The following ZNF569 variants were observed in gnomAD, a reference collection of about 807,000 sequenced individuals.
ZNF569 encodes zinc finger protein 569, also known as DNA-binding protein.
A neutral mutation model predicts 56.3 loss-of-function variants in ZNF569; 38 were observed. The observed-to-expected ratio is 0.68, with a 90% CI of 0.52 to 0.88. The LOEUF (loss-of-function observed/expected upper bound fraction) is 0.88. Ranked by LOEUF, ZNF569 falls within the 40% of genes least tolerant of loss-of-function variation. The probability of loss-of-function intolerance (pLI) is 0.00; values close to 1 mark genes in which losing one functional copy is unlikely to be tolerated. For synonymous variants in ZNF569, 241 were observed against 262.9 expected, an observed-to-expected ratio of 0.92 and a Z score of 0.81; for missense variants, 666 against 809.2, an observed-to-expected ratio of 0.82 and a Z score of 2.15.
At chr19:37,421,389 TTTAG>T (rs1568719892) in intron 5 of ZNF569, among the ~76,000 whole-genome samples, 3 of 152,206 alleles carry the variant, frequency 2.0e-5, no homozygotes, top group Non-Finnish European at 2.9e-5. Context: ...AACGCTATTG[TTTAG>T]TTAGCCACCC....
intron 5 of ZNF569, among the ~76,000 whole-genome samples, chr19:37,415,573 G>T (rs1450769464): frequency 6.6e-6 from 1 of 151,964 alleles, no homozygotes; most frequent in Non-Finnish European, 1.5e-5. Flanking sequence ...ATAAATCAGA[G>T]GTATGAAAAT....
chr19:37,444,989 A>C, intron 2 of ZNF569, 25 bp from the exon 3 acceptor site: 9 of 1,574,980 alleles, frequency 5.7e-6, no homozygotes, highest in Non-Finnish European at 7.7e-6. Context: ...AAAAGTCATT[A>C]AAATAGGCCT....
At chr19:37,467,587 C>CT, upstream of ZNF569, 1 of 470,260 alleles carries the variant, frequency 2.1e-6, no homozygotes, top group South Asian at 3.3e-5. Flanking sequence ...TTAGTTCCGT[C>CT]TTTTTGGGTC....
chr19:37,448,431 C>T (rs1308752075), intron 2 of ZNF569, among the ~76,000 whole-genome samples: 1 of 151,786 alleles, frequency 6.6e-6, no homozygotes, highest in Non-Finnish European at 1.5e-5. Flanking sequence ...TCTTTCATTC[C>T]TGATATTATC....
intron 2 of ZNF569, among the ~76,000 whole-genome samples, chr19:37,456,890 C>G (rs940994801): frequency 8.6e-5 from 13 of 151,834 alleles, no homozygotes; most frequent in African/African-American, 3.1e-4. Context: ...ATCGCTTGAA[C>G]CCAGGAGGCG....
chr19:37,418,999 CTG>C (rs2040983862), intron 5 of ZNF569, among the ~76,000 whole-genome samples: 1 of 152,182 alleles, frequency 6.6e-6, no homozygotes, highest in Non-Finnish European at 1.5e-5. Flanking sequence ...GCCATTATGA[CTG>C]TTGTGAGATG....
intron 2 of ZNF569, among the ~76,000 whole-genome samples, chr19:37,447,482 T>C (rs748848268): frequency 4.6e-5 from 7 of 152,192 alleles, no homozygotes; most frequent in Non-Finnish European, 7.4e-5. Context: ...TTAACTGTAC[T>C]ACAGAAGAGG....
At position 37,413,809 on chromosome 19, in the gene ZNF569, T is replaced by A. The variant is rs1370505095; in HGVS notation, c.849A>T (p.Ser283=). Residue 283 remains serine, a synonymous_variant, in exon 6 of 6, where the codon TCA becomes TCT. Coordinates refer to ENST00000316950, the MANE Select transcript of ZNF569 (RefSeq NM_152484.3). ...KECEKSFSQK[S]NLIDHEKIHT... is the part of the protein sequence containing the mutation. ...GAATTTTTTCATGATCAATAAGATTTGATTTCTGGCTGAAGGACTTCTCAC... is the reference window on the plus strand; with the variant it reads ...GAATTTTTTCATGATCAATAAGATTAGATTTCTGGCTGAAGGACTTCTCAC... The A allele has an allele frequency of 4.3e-6, 7 of 1,613,722 alleles. No individual in the cohort carries two copies. Among genetic ancestry groups the A allele is most frequent in the Non-Finnish European group, 5.1e-6 (6 of 1,179,958 alleles).
intron 3 of ZNF569, among the ~76,000 whole-genome samples, chr19:37,443,067 T>C (rs1031299357): frequency 1.3e-5 from 2 of 152,154 alleles, no homozygotes; most frequent in Non-Finnish European, 2.9e-5. Flanking sequence ...TAAAAATACA[T>C]GGTCGGCCGG....
At chr19:37,460,753 G>T (rs947452335) in intron 2 of ZNF569, among the ~76,000 whole-genome samples, 1 of 149,806 alleles carries the variant, frequency 6.7e-6, no homozygotes, top group Non-Finnish European at 1.5e-5. Flanking sequence ...GCAATACAGT[G>T]ATACCCTGTC....
At chr19:37,415,246 G>A (rs940354627) in intron 5 of ZNF569, among the ~76,000 whole-genome samples, 3 of 151,796 alleles carry the variant, frequency 2.0e-5, no homozygotes, top group African/African-American at 4.8e-5. Context: ...GATACGTTTC[G>A]ATAATAGAAA....
chr19:37,444,425 T>C (rs553787784), intron 3 of ZNF569, among the ~76,000 whole-genome samples: 27 of 152,344 alleles, frequency 1.8e-4, no homozygotes, highest in African/African-American at 6.3e-4. Flanking sequence ...TGTGAAATAC[T>C]ATAATTTATT....
In ZNF569 at chr19:37,413,464, A is replaced by C. The variant is rs779710701; in HGVS notation, c.1194T>G (p.Thr398=). The change falls in exon 6 of 6, where the codon ACT becomes ACG. Residue 398 remains threonine (T), a synonymous_variant. Coordinates refer to ENST00000316950, the MANE Select transcript of ZNF569 (RefSeq NM_152484.3). ...GKAFSQSSAL[T]VHMRSHTGEK... is the part of the protein sequence containing the mutation. ...CACCAGTGTGACTTCTCATATGTAC[A>C]GTAAGGGCTGAGCTTTGAGAGAAGG... 4 of 1,613,836 alleles carry C rather than the reference A, an allele frequency of 2.5e-6. No homozygotes were observed. Among genetic ancestry groups the C allele is most frequent in the Non-Finnish European group, 3.4e-6 (4 of 1,179,912 alleles).
chr19:37,455,954 T>G (rs575651982), intron 2 of ZNF569, among the ~76,000 whole-genome samples: 1 of 152,230 alleles, frequency 6.6e-6, no homozygotes. Context: ...ATTTAATTTC[T>G]CAAAAGCTTC....
chr19:37,444,881 A>T, intron 3 of ZNF569, 26 bp downstream of exon 3: 1 of 1,591,104 alleles, frequency 6.3e-7, no homozygotes. Context: ...GTAAGGCAAG[A>T]AACAAATACA....
intron 2 of ZNF569, among the ~76,000 whole-genome samples, chr19:37,457,324 A>G (rs2041688809): frequency 1.3e-5 from 2 of 152,286 alleles, no homozygotes; most frequent in South Asian, 4.1e-4. Flanking sequence ...TACTTATAAA[A>G]TGCATCTTAA....
In ZNF569 at chr19:37,413,827, C is replaced by T; in HGVS notation, c.831G>A (p.Lys277=). ...TAAGATTTGATTTCTGGCTGAAGGA[C>T]TTCTCACATTCCTTACATGCATAGG... The part of the protein sequence containing the change: ...EKPYACKECE[K]SFSQKSNLID... Residue 277 remains lysine, a synonymous_variant, in exon 6 of 6, where the codon AAG becomes AAA. Transcript: ENST00000316950. 1 of 1,613,520 alleles carries T rather than the reference C, an allele frequency of 6.2e-7. No individual in the cohort carries two copies. The highest frequency in any genetic ancestry group is 8.5e-7 in the Non-Finnish European group (1 of 1,179,906).
chr19:37,415,640 G>A lies in ZNF569; in HGVS notation c.239-1221C>T, dbSNP rs984237790. ...AATCCCAGCACTTTGGGAGGCCAAG[G>A]CGGGCGGATCGCGAGGTCAGGAGAT... On this transcript the variant is annotated intron_variant, in intron 5 of 5. Transcript: ENST00000316950. Among the ~76,000 whole-genome samples the A allele has an allele frequency of 2.0e-5, 3 of 151,932 alleles. No individual in the cohort carries two copies. The East Asian group carries it at 5.8e-4, about 30-fold the overall frequency.
chr19:37,446,726 A>C (rs934386542), intron 2 of ZNF569, among the ~76,000 whole-genome samples: 3 of 152,096 alleles, frequency 2.0e-5, no homozygotes, highest in Non-Finnish European at 4.4e-5. Flanking sequence ...ATGACCAAGA[A>C]CCGAAAAGCA....
Sources: gnomAD v4.1 joint callset for allele counts (sites outside exome capture counted in the v4.1 genomes callset) on GRCh38, gnomAD v4.1.1 for gene constraint, MANE v1.5 for transcripts, NCBI Gene and HGNC (gene_info 2026-07-23, HGNC 2026-07-21) for gene names.